The following CADM2 variants were observed in gnomAD, a reference collection of about 807,000 sequenced individuals.
CADM2 encodes the protein cell adhesion molecule 2.
A neutral mutation model predicts 49.8 loss-of-function variants in CADM2; 12 were observed. The ratio of observed to expected loss-of-function variants is 0.24; its 90% confidence interval spans 0.15 to 0.39. The LOEUF is 0.39. Ranked by LOEUF, CADM2 falls within the 10% of genes least tolerant of loss-of-function variation. The probability of loss-of-function intolerance (pLI) is 1.00; values close to 1 mark genes in which losing one functional copy is unlikely to be tolerated. For synonymous variants in CADM2, 214 were observed against 175.4 expected, an observed-to-expected ratio of 1.22 and a Z score of -1.74; for missense variants, 378 against 492.3, an observed-to-expected ratio of 0.77 and a Z score of 2.20.
intron 2 of CADM2, among the ~76,000 whole-genome samples, chr3:85,754,267 G>T (rs985130551): frequency 2.0e-5 from 3 of 152,104 alleles, no homozygotes; most frequent in Admixed American, 6.5e-5. Flanking sequence ...TCTATCTATT[G>T]GGAGACTGCC....
At chr3:85,530,130 G>A (rs1268280221) in intron 1 of CADM2, among the ~76,000 whole-genome samples, 1 of 151,954 alleles carries the variant, frequency 6.6e-6, no homozygotes, top group Admixed American at 6.6e-5. Flanking sequence ...ATGATAGTGA[G>A]TGAATTTGCA....
At chr3:85,774,111 A>AT (rs531241587) in intron 2 of CADM2, among the ~76,000 whole-genome samples, 64 of 150,194 alleles carry the variant, frequency 4.3e-4, no homozygotes, top group East Asian at 1.2e-3. Context: ...TTTCCTCTTC[A>AT]TTTTTTTTTA....
At chr3:85,739,907 T>G (rs2107821778) in intron 2 of CADM2, among the ~76,000 whole-genome samples, 1 of 152,262 alleles carries the variant, frequency 6.6e-6, no homozygotes, top group African/African-American at 2.4e-5. Flanking sequence ...TCAAAACAAT[T>G]ACTTTTTTTC....
intron 5 of CADM2, among the ~76,000 whole-genome samples, chr3:85,911,410 A>G (rs569986985): frequency 1.2e-4 from 19 of 152,350 alleles, no homozygotes; most frequent in African/African-American, 4.1e-4. Context: ...TTAAATATCG[A>G]TAAATGAATT....
intron 1 of CADM2, among the ~76,000 whole-genome samples, chr3:85,252,579 T>G (rs959140986): frequency 2.6e-5 from 4 of 152,040 alleles, no homozygotes; most frequent in Non-Finnish European, 5.9e-5. Context: ...TTCAGATTAC[T>G]CTTAATATTT....
chr3:85,283,356 C>T (rs2043551899), intron 1 of CADM2, among the ~76,000 whole-genome samples: 1 of 151,400 alleles, frequency 6.6e-6, no homozygotes, highest in African/African-American at 2.4e-5. Context: ...CTCATTAATA[C>T]TCTTTTAAAA....
chr3:85,755,635 A>G (rs1035104275), intron 2 of CADM2, among the ~76,000 whole-genome samples: 6 of 152,102 alleles, frequency 3.9e-5, no homozygotes, highest in Non-Finnish European at 8.8e-5. Context: ...AGGAAACTCA[A>G]TCATGGTGGA....
intron 1 of CADM2, among the ~76,000 whole-genome samples, chr3:85,686,053 A>T (rs563534065): frequency 1.0e-3 from 155 of 152,302 alleles, no homozygotes; most frequent in African/African-American, 3.7e-3. Context: ...CACAAGCTGA[A>T]ATTTTGTTCT....
chr3:85,007,612 G>C (rs914622653), intron 1 of CADM2, among the ~76,000 whole-genome samples: 3 of 152,132 alleles, frequency 2.0e-5, no homozygotes, highest in Non-Finnish European at 4.4e-5. Flanking sequence ...ATTTTAAATA[G>C]ATACTAAAAA....
intron 1 of CADM2, among the ~76,000 whole-genome samples, chr3:85,552,378 T>TTTTTGTTTG (rs2061831816): frequency 7.1e-6 from 1 of 140,078 alleles, no homozygotes; most frequent in African/African-American, 2.7e-5. Context: ...TTTTTTTTTT[T>TTTTTGTTTG]TTTTTTTTTT....
At chr3:85,381,550 T>G (rs1559810900) in intron 1 of CADM2, among the ~76,000 whole-genome samples, 1 of 147,726 alleles carries the variant, frequency 6.8e-6, no homozygotes, top group Admixed American at 6.8e-5. Context: ...AATTTATTTT[T>G]AAGACTGTAG....
At chr3:85,397,372 T>C (rs554618993) in intron 1 of CADM2, among the ~76,000 whole-genome samples, 8 of 152,312 alleles carry the variant, frequency 5.3e-5, no homozygotes, top group Admixed American at 2.6e-4. Context: ...TCCAGAATTA[T>C]GTATGTGATT....
intron 1 of CADM2, among the ~76,000 whole-genome samples, chr3:85,133,392 C>G (rs1415497817): frequency 6.6e-6 from 1 of 152,136 alleles, no homozygotes; most frequent in Non-Finnish European, 1.5e-5. Context: ...CAAAGGTTCT[C>G]TACGTCCCCA....
At chr3:85,148,739 C>T (rs2039827893) in intron 1 of CADM2, among the ~76,000 whole-genome samples, 1 of 152,004 alleles carries the variant, frequency 6.6e-6, no homozygotes, top group Admixed American at 6.6e-5. Context: ...ATAATGTATT[C>T]TCACAATAAA....
intron 1 of CADM2, among the ~76,000 whole-genome samples, chr3:85,388,564 A>T (rs557609614): frequency 6.6e-6 from 1 of 152,150 alleles, no homozygotes; most frequent in Non-Finnish European, 1.5e-5. Flanking sequence ...CATCTTCTTG[A>T]TATGGCAATA....
At chr3:85,072,815 C>A (rs2036807372) in intron 1 of CADM2, among the ~76,000 whole-genome samples, 2 of 151,902 alleles carry the variant, frequency 1.3e-5, no homozygotes, top group African/African-American at 4.8e-5. Context: ...CATTTAAAAT[C>A]TTCTAAAAAT....
At chr3:85,801,996 A>AAGT in intron 2 of CADM2, 51 bp from the exon 3 acceptor site, 1 of 1,346,708 alleles carries the variant, frequency 7.4e-7, no homozygotes, top group Admixed American at 2.3e-5. Flanking sequence ...TTAGGCAGTT[A>AAGT]ATCATTTTAT....
intron 1 of CADM2, among the ~76,000 whole-genome samples, chr3:84,994,646 G>A (rs2107190104): frequency 6.6e-6 from 1 of 152,146 alleles, no homozygotes; most frequent in East Asian, 1.9e-4. Flanking sequence ...ACTATAACAA[G>A]AAAATGTGTA....
chr3:85,523,131 A>T (rs1313546610), intron 1 of CADM2, among the ~76,000 whole-genome samples: 1 of 152,146 alleles, frequency 6.6e-6, no homozygotes, highest in Non-Finnish European at 1.5e-5. Flanking sequence ...AAGGTAACAC[A>T]AGGCTTTGGG....
Sources: allele counts gnomAD v4.1 joint callset (sites outside exome capture counted in the v4.1 genomes callset), GRCh38; gene constraint gnomAD v4.1.1; transcripts MANE v1.5; gene names NCBI Gene and HGNC (gene_info 2026-07-23, HGNC 2026-07-21).